The following SLC6A6 variants were observed in gnomAD, a reference collection of about 807,000 sequenced individuals.
The protein encoded by SLC6A6 is solute carrier family 6 member 6, also known as sodium- and chloride-dependent taurine transporter.
In SLC6A6, 16 loss-of-function variants were observed where a neutral mutation model predicts 68.8. The observed-to-expected ratio is 0.23, with a 90% confidence interval of 0.16 to 0.35. The LOEUF (loss-of-function observed/expected upper bound fraction) is 0.35, where lower values mean the gene tolerates loss of function less well. SLC6A6 is among the 10% of genes least tolerant of loss of function. The pLI is 1.00. For missense variants in SLC6A6, 474 were observed against 802.8 expected, an observed-to-expected ratio of 0.59 and a Z score of 4.95; for synonymous variants, 312 against 315.4, an observed-to-expected ratio of 0.99 and a Z score of 0.12.
At position 14,468,197 on chromosome 3, in the gene SLC6A6, G is replaced by GT. The variant is rs1330954780; in HGVS notation, c.1081_1082insT (p.Asp361ValfsTer4). Reference sequence around the variant, plus strand: ...ACAAGAGCAAGGGGTGGACATTGCTGATGTGGCTGAGTCAGGTACGGTGGT... The same window carrying GT: ...ACAAGAGCAAGGGGTGGACATTGCTGTATGTGGCTGAGTCAGGTACGGTGGT... On this transcript the variant is annotated frameshift_variant, in exon 9 of 15. Transcript: ENST00000622186. LOFTEE classifies it high-confidence loss of function. The surrounding 1 kb of genome is among the most constrained non-coding windows in gnomAD (Gnocchi z 4.5). 6.2e-7 allele frequency: 1 copy of GT among 1,613,782 alleles called. No homozygotes were observed. The highest frequency in any genetic ancestry group is 8.5e-7 in the Non-Finnish European group (1 of 1,179,928).
chr3:14,454,276 G>C (rs1282997639), intron 5 of SLC6A6, among the ~76,000 whole-genome samples: 1 of 120,380 alleles, frequency 8.3e-6, no homozygotes, highest in African/African-American at 3.5e-5. Context: ...CTGGACAGGG[G>C]CAGAGACTGT....
intron 2 of SLC6A6, among the ~76,000 whole-genome samples, chr3:14,417,522 G>C (rs577177487): frequency 1.3e-5 from 2 of 152,126 alleles, no homozygotes; most frequent in Non-Finnish European, 2.9e-5. Context: ...ACGAGGTCAG[G>C]AGATCGAGAC....
intron 9 of SLC6A6, among the ~76,000 whole-genome samples, chr3:14,471,663 G>A (rs1700754961): frequency 6.6e-6 from 1 of 152,234 alleles, no homozygotes; most frequent in African/African-American, 2.4e-5. Flanking sequence ...ACCTTGCCAG[G>A]GAGAGCCCCA....
chr3:14,471,904 A>G (rs1700760772), intron 9 of SLC6A6, among the ~76,000 whole-genome samples: 1 of 152,140 alleles, frequency 6.6e-6, no homozygotes, highest in Admixed American at 6.5e-5. Context: ...TTGTCTCTGC[A>G]GACCAAGCCC....
chr3:14,480,552 G>T (rs753686682), intron 13 of SLC6A6, among the ~76,000 whole-genome samples: 1 of 152,222 alleles, frequency 6.6e-6, no homozygotes, highest in Non-Finnish European at 1.5e-5. Context: ...AGCCCTACAC[G>T]TAGGGACGGG....
intron 5 of SLC6A6, among the ~76,000 whole-genome samples, chr3:14,457,318 G>A (rs887281120): frequency 1.3e-5 from 2 of 152,178 alleles, no homozygotes; most frequent in Non-Finnish European, 2.9e-5. Context: ...CTTAGGTGCC[G>A]GCTGTGTGCC....
chr3:14,468,338 C>G lies in SLC6A6; in HGVS notation c.1096+126C>G, dbSNP rs895564556. The G allele has an allele frequency of 5.5e-6, 4 of 732,398 alleles. No individual in the cohort carries two copies. Among genetic ancestry groups the G allele is most frequent in the Non-Finnish European group, 8.4e-6 (4 of 477,098 alleles). 45.4% of individuals were successfully genotyped at this position (732,398 alleles called of 1,614,324 possible). A position where few individuals can be genotyped will look rare whatever the true frequency, so the allele number is the denominator to read the frequency against. On this transcript the variant is annotated intron_variant, in intron 9 of 14. Coordinates refer to ENST00000622186, the MANE Select transcript of SLC6A6 (RefSeq NM_003043.6). The surrounding 1 kb of genome is among the most constrained non-coding windows in gnomAD (Gnocchi z 4.5). ...ACGAGCCTGGTTTCTAAAATGGACC[C>G]CCCCCCCGCCACCAAGATATCCCCC...
chr3:14,424,911 C>T (rs769119439), intron 2 of SLC6A6, among the ~76,000 whole-genome samples: 3 of 152,150 alleles, frequency 2.0e-5, no homozygotes, highest in African/African-American at 2.4e-5. Context: ...GTCGAAGCCG[C>T]CTGTTTGACA....
At chr3:14,424,147 T>G (rs1699539640) in intron 2 of SLC6A6, among the ~76,000 whole-genome samples, 2 of 152,138 alleles carry the variant, frequency 1.3e-5, no homozygotes, top group African/African-American at 4.8e-5. Context: ...GGGAAAAATC[T>G]CTAAGCATAT....
chr3:14,449,958 G>A (rs1342729984), intron 5 of SLC6A6, among the ~76,000 whole-genome samples: 1 of 152,024 alleles, frequency 6.6e-6, no homozygotes, highest in East Asian at 1.9e-4. Context: ...CACCATGTTG[G>A]CCAGGATGGT....
chr3:14,432,303 G>A (rs535277835), intron 2 of SLC6A6, among the ~76,000 whole-genome samples: 1 of 152,198 alleles, frequency 6.6e-6, no homozygotes, highest in Non-Finnish European at 1.5e-5. Context: ...TGCAGAGCCT[G>A]TTTCAGGCTC....
chr3:14,441,279 T>C (rs1699977992), intron 2 of SLC6A6, among the ~76,000 whole-genome samples: 1 of 151,496 alleles, frequency 6.6e-6, no homozygotes, highest in African/African-American at 2.4e-5. Flanking sequence ...TCGGAGGGAG[T>C]TGAGTCTCAC....
At chr3:14,417,365 A>AT (rs931898658) in intron 2 of SLC6A6, among the ~76,000 whole-genome samples, 9 of 151,976 alleles carry the variant, frequency 5.9e-5, no homozygotes, top group African/African-American at 1.9e-4. Context: ...ACATTCTTCC[A>AT]TTTTTGCTGA....
chr3:14,473,981 C>T lies in SLC6A6; in HGVS notation c.1209+1664C>T, dbSNP rs139675484. On this transcript the variant is annotated intron_variant, in intron 10 of 14. Coordinates refer to ENST00000622186, the MANE Select transcript of SLC6A6 (RefSeq NM_003043.6). ...AGGAAGTGGGGCCTGGTGGAGGACA[C>T]GCATCTCTCAGGGAGGCCCCGTGTC... Among the ~76,000 whole-genome samples, 1,042 of 152,306 alleles carry T rather than the reference C, an allele frequency of 6.8e-3. 4 individuals are homozygous for T. Among genetic ancestry groups the T allele is most frequent in the Admixed American group, 0.011 (167 of 15,298 alleles).
rs986001037 is a variant in SLC6A6, at chr3:14,472,552, G to T, written c.1209+235G>T. Among the ~76,000 whole-genome samples, 1 of 152,198 alleles carries T rather than the reference G, an allele frequency of 6.6e-6. No homozygotes were observed. Among genetic ancestry groups the T allele is most frequent in the African/African-American group, 2.4e-5 (1 of 41,444 alleles). ...CCTAATGGAGTGCAAACAAGACGTG[G>T]CATGGCACATTATCTGCTAGCAGAG... On this transcript the variant is annotated intron_variant, in intron 10 of 14. Coordinates refer to ENST00000622186, the MANE Select transcript of SLC6A6 (RefSeq NM_003043.6). The surrounding 1 kb of genome is among the most constrained non-coding windows in gnomAD (Gnocchi z 4.5).
chr3:14,449,026 C>G (rs1033004285), intron 5 of SLC6A6, among the ~76,000 whole-genome samples: 4 of 152,296 alleles, frequency 2.6e-5, no homozygotes, highest in South Asian at 4.1e-4. Flanking sequence ...CAGTCCCTGT[C>G]TTTTGTGTGT....
chr3:14,431,239 C>T (rs185241212), intron 2 of SLC6A6, among the ~76,000 whole-genome samples: 169 of 152,206 alleles, frequency 1.1e-3, no homozygotes, highest in African/African-American at 3.1e-3. Flanking sequence ...TTGCAGTTTG[C>T]TCTGTCGCCC....
Position 14,485,223 on chromosome 3 carries a change from AAAAG to A in SLC6A6, c.*220_*223del. On this transcript the variant is annotated 3_prime_UTR_variant, in exon 15 of 15. Coordinates refer to ENST00000622186, the MANE Select transcript of SLC6A6 (RefSeq NM_003043.6). ...TTTGATTTGGGGGATATTTTGTACA[AAAAG>A]AAAACCCACGGGAAGATGTCCGTGG... 2.5e-6 allele frequency: 1 copy of A among 402,706 alleles called. No individual in the cohort carries two copies. Among genetic ancestry groups the A allele is most frequent in the Non-Finnish European group, 4.4e-6 (1 of 227,126 alleles). The allele number at this position is 402,706 out of a possible 1,614,324, so 24.9% of individuals were successfully genotyped here.
At chr3:14,403,180 T>C (rs533035130) in intron 1 of SLC6A6, among the ~76,000 whole-genome samples, 1 of 152,210 alleles carries the variant, frequency 6.6e-6, no homozygotes, top group Non-Finnish European at 1.5e-5. Flanking sequence ...CGTATCCCTG[T>C]GTCTGTGTTT....
Sources: allele counts gnomAD v4.1 joint callset (sites outside exome capture counted in the v4.1 genomes callset), GRCh38; gene constraint gnomAD v4.1.1; non-coding constraint Gnocchi (gnomAD v3.1); transcripts MANE v1.5; gene names NCBI Gene and HGNC (gene_info 2026-07-23, HGNC 2026-07-21).